L3MBTL4: variants seen among roughly 807,000 people sequenced by gnomAD.
L3MBTL4 encodes lethal(3)malignant brain tumor-like protein 4.
In L3MBTL4, 70 loss-of-function variants were observed where a neutral mutation model predicts 84.5. That is an observed-to-expected ratio of 0.83 (90% confidence interval 0.68 to 1.01). The LOEUF (loss-of-function observed/expected upper bound fraction) is 1.01. Ranked by LOEUF, L3MBTL4 falls within the 50% of genes least tolerant of loss-of-function variation. The pLI is 0.00. For synonymous variants in L3MBTL4, 274 were observed against 259.8 expected, an observed-to-expected ratio of 1.05 and a Z score of -0.52; for missense variants, 715 against 754.8, an observed-to-expected ratio of 0.95 and a Z score of 0.62.
rs1228148024 is a variant in L3MBTL4, at chr18:6,013,662, C to T, written c.1445-44100G>A. On this transcript the variant is annotated intron_variant, in intron 16 of 18. Coordinates refer to ENST00000317931, the MANE Select transcript of L3MBTL4 (RefSeq NM_001330559.2). ...TCTGCTCTTGAAGTACTGCATATGC[C>T]TGCCTTTCAGGGGTCTTGCAATTCG... is the stretch of plus-strand genomic sequence containing the variant. Among the ~76,000 whole-genome samples the T allele has an allele frequency of 2.0e-5, 3 of 152,156 alleles. No individual in the cohort carries two copies. The East Asian group carries it at 5.8e-4, about 29-fold the overall frequency.
At chr18:5,986,544 G>T (rs1052386133) in intron 16 of L3MBTL4, among the ~76,000 whole-genome samples, 4 of 152,176 alleles carry the variant, frequency 2.6e-5, no homozygotes, top group African/African-American at 9.7e-5. Flanking sequence ...TGCCTTTGAT[G>T]GCTGTTAATT....
chr18:6,389,548 T>C (rs1292810287), intron 1 of L3MBTL4, among the ~76,000 whole-genome samples: 1 of 152,126 alleles, frequency 6.6e-6, no homozygotes, highest in African/African-American at 2.4e-5. Flanking sequence ...TCTGCTGTCT[T>C]TAAGAGACCC....
At chr18:6,231,733 A>G (rs1364017826) in intron 10 of L3MBTL4, among the ~76,000 whole-genome samples, 4 of 152,058 alleles carry the variant, frequency 2.6e-5, no homozygotes, top group African/African-American at 9.7e-5. Context: ...AATGCAACTG[A>G]TTTTTGTGTG....
intron 5 of L3MBTL4, among the ~76,000 whole-genome samples, chr18:6,255,701 T>TC (rs1279759714): frequency 1.3e-5 from 2 of 152,064 alleles, no homozygotes; most frequent in Non-Finnish European, 2.9e-5. Context: ...CAAAAAATGC[T>TC]TTTTTTCCCC....
intron 4 of L3MBTL4, among the ~76,000 whole-genome samples, chr18:6,295,038 C>A (rs983531679): frequency 6.6e-5 from 10 of 152,158 alleles, no homozygotes; most frequent in East Asian, 3.9e-4. Flanking sequence ...TTTTGGGAAG[C>A]CATTGTGGAC....
intron 13 of L3MBTL4, among the ~76,000 whole-genome samples, chr18:6,148,706 C>T (rs1386097813): frequency 6.6e-6 from 1 of 152,120 alleles, no homozygotes; most frequent in Non-Finnish European, 1.5e-5. Flanking sequence ...GCTGGGATTA[C>T]AGGCATGAGC....
intron 10 of L3MBTL4, among the ~76,000 whole-genome samples, chr18:6,223,206 A>G (rs964215030): frequency 5.9e-5 from 9 of 152,122 alleles, no homozygotes; most frequent in African/African-American, 2.2e-4. Flanking sequence ...ATTCCCTAAT[A>G]ATAAATGTTC....
intron 5 of L3MBTL4, among the ~76,000 whole-genome samples, chr18:6,250,505 T>C (rs1043107518): frequency 6.6e-6 from 1 of 152,212 alleles, no homozygotes; most frequent in African/African-American, 2.4e-5. Context: ...GCTAGGGGTG[T>C]ATCACGGAAG....
intron 16 of L3MBTL4, among the ~76,000 whole-genome samples, chr18:5,972,944 GAATAGAATAGAA>G (rs2052728855): frequency 1.3e-5 from 1 of 76,998 alleles, no homozygotes; most frequent in African/African-American, 4.3e-5. Context: ...GAATAGAATA[GAATAGAATAGAA>G]TAGAATAGAA....
At chr18:6,361,203 T>A in intron 1 of L3MBTL4, among the ~76,000 whole-genome samples, 1 of 151,950 alleles carries the variant, frequency 6.6e-6, no homozygotes, top group East Asian at 1.9e-4. Context: ...CCCACCCCCA[T>A]TAAGAGAAAT....
chr18:6,398,663 T>C (rs1410424374), intron 1 of L3MBTL4, among the ~76,000 whole-genome samples: 2 of 151,662 alleles, frequency 1.3e-5, no homozygotes, highest in Non-Finnish European at 2.9e-5. Context: ...AGCCTATAGA[T>C]GTTTTGATTG....
At chr18:6,057,680 A>G (rs775087610) in intron 16 of L3MBTL4, among the ~76,000 whole-genome samples, 10 of 152,214 alleles carry the variant, frequency 6.6e-5, no homozygotes, top group Non-Finnish European at 1.0e-4. Context: ...ACAAATCAAC[A>G]ATGAAAAACA....
At chr18:6,397,164 G>C (rs1011934899) in intron 1 of L3MBTL4, 1 of 152,212 alleles carries the variant, frequency 6.6e-6, no homozygotes, top group Non-Finnish European at 1.5e-5. Context: ...CCAAAGCACA[G>C]AGCGTGCATG....
chr18:6,295,346 C>CTCTCTCTCTCTATATATA (rs1261475809), intron 4 of L3MBTL4, among the ~76,000 whole-genome samples: 3 of 81,388 alleles, frequency 3.7e-5, no homozygotes, highest in African/African-American at 2.0e-4. Flanking sequence ...CTCTCTCTCT[C>CTCTCTCTCTCTATATATA]TATATATATA....
At chr18:6,159,769 C>T (rs944433151) in intron 13 of L3MBTL4, among the ~76,000 whole-genome samples, 4 of 152,184 alleles carry the variant, frequency 2.6e-5, no homozygotes, top group Non-Finnish European at 5.9e-5. Flanking sequence ...TATATATACC[C>T]TGGTGAGAAA....
At chr18:5,958,127 G>C (rs541037778) in intron 18 of L3MBTL4, among the ~76,000 whole-genome samples, 18 of 51,102 alleles carry the variant, frequency 3.5e-4, no homozygotes, top group East Asian at 9.1e-4. Flanking sequence ...AGAAGAAGAA[G>C]AAAAAGAAGA....
At position 6,264,094 on chromosome 18, in the gene L3MBTL4, A is replaced by G. The variant is rs969361252; in HGVS notation, c.128-56T>C. 12 of 1,287,246 alleles carry G rather than the reference A, an allele frequency of 9.3e-6. No homozygotes were observed. In the African/African-American group the frequency reaches 1.5e-4, roughly 16 times the overall value. The allele number at this position is 1,287,246 out of a possible 1,614,324, so 79.7% of individuals were successfully genotyped here. ...AAATGATTAGTGACAGGAAAATAAT[A>G]AAACTTACTTGACAATAAACTCAAG... On this transcript the variant is annotated intron_variant, in intron 4 of 18. Transcript: ENST00000317931.
chr18:5,969,335 C>T (rs926491181), intron 17 of L3MBTL4, 58 bp downstream of exon 17: 113 of 1,581,186 alleles, frequency 7.1e-5, no homozygotes, highest in East Asian at 4.2e-4. Flanking sequence ...GGGCACCTTC[C>T]GCCTATTTCT....
At chr18:6,345,468 A>T (rs886938279) in intron 1 of L3MBTL4, among the ~76,000 whole-genome samples, 1 of 152,122 alleles carries the variant, frequency 6.6e-6, no homozygotes, top group South Asian at 2.1e-4. Flanking sequence ...AACTAATTTT[A>T]AAAATTCGGT....
Sources: allele counts gnomAD v4.1 joint callset (sites outside exome capture counted in the v4.1 genomes callset), GRCh38; gene constraint gnomAD v4.1.1; transcripts MANE v1.5; gene names NCBI Gene and HGNC (gene_info 2026-07-23, HGNC 2026-07-21).